Variants in TMTC1 observed in about 807,000 individuals in gnomAD.
The protein encoded by TMTC1 is protein O-mannosyl-transferase TMTC1.
A neutral mutation model predicts 104.8 loss-of-function variants in TMTC1; 73 were observed. The observed-to-expected ratio is 0.70, with a 90% CI of 0.58 to 0.85. The LOEUF is 0.85. Among genes scored for constraint, TMTC1 ranks in the 40% least tolerant of loss-of-function variants. The pLI is 0.00. For missense variants in TMTC1, 1,035 were observed against 1,096.1 expected, an observed-to-expected ratio of 0.94 and a Z score of 0.79; for synonymous variants, 434 against 428.7, an observed-to-expected ratio of 1.01 and a Z score of -0.15.
At chr12:29,631,264 CA>C (rs1938283702) in intron 6 of TMTC1, among the ~76,000 whole-genome samples, 1 of 152,058 alleles carries the variant, frequency 6.6e-6, no homozygotes, top group Non-Finnish European at 1.5e-5. Flanking sequence ...TGATGATGTC[CA>C]ATTTATCAAC....
At chr12:29,553,172 TG>T (rs1442689854) in intron 10 of TMTC1, among the ~76,000 whole-genome samples, 8 of 152,164 alleles carry the variant, frequency 5.3e-5, no homozygotes, top group African/African-American at 1.9e-4. Context: ...ACGTGGGTAA[TG>T]GAAAGTGAAC....
At chr12:29,710,269 T>C (rs1368616481) in intron 5 of TMTC1, among the ~76,000 whole-genome samples, 1 of 152,052 alleles carries the variant, frequency 6.6e-6, no homozygotes, top group South Asian at 2.1e-4. Flanking sequence ...TCCAGGCCTG[T>C]TAGGACACAG....
At chr12:29,646,792 G>A (rs75208556) in intron 5 of TMTC1, among the ~76,000 whole-genome samples, 6,295 of 152,172 alleles carry the variant, frequency 0.041, 171 homozygotes, top group Admixed American at 0.066. Flanking sequence ...TTCAGCTACC[G>A]GGGACACAGT....
intron 2 of TMTC1, among the ~76,000 whole-genome samples, chr12:29,765,594 T>C (rs1276419874): frequency 2.6e-5 from 4 of 152,162 alleles, no homozygotes; most frequent in African/African-American, 9.6e-5. Flanking sequence ...AATTTAAATT[T>C]TGTATTACTA....
intron 5 of TMTC1, among the ~76,000 whole-genome samples, chr12:29,679,387 G>A (rs1490626509): frequency 1.3e-5 from 2 of 152,016 alleles, no homozygotes; most frequent in East Asian, 3.9e-4. Context: ...TCTATAGTCA[G>A]AACAAAAGTC....
intron 6 of TMTC1, among the ~76,000 whole-genome samples, chr12:29,628,689 A>G: frequency 6.6e-6 from 1 of 152,044 alleles, no homozygotes; most frequent in East Asian, 1.9e-4. Context: ...TTTGAGACAG[A>G]CTTCGCTCTG....
chr12:29,664,664 A>G (rs1940204341), intron 5 of TMTC1, among the ~76,000 whole-genome samples: 1 of 152,246 alleles, frequency 6.6e-6, no homozygotes, highest in African/African-American at 2.4e-5. Flanking sequence ...ACTTACAACA[A>G]TTCCATGAGG....
chr12:29,703,320 T>C (rs897481455), intron 5 of TMTC1, among the ~76,000 whole-genome samples: 1 of 152,152 alleles, frequency 6.6e-6, no homozygotes, highest in African/African-American at 2.4e-5. Context: ...GAAAATCTTC[T>C]TCAAAAGGAA....
intron 11 of TMTC1, chr12:29,529,877 C>G (rs553264181): frequency 6.6e-6 from 1 of 152,122 alleles, no homozygotes; most frequent in African/African-American, 2.4e-5. Context: ...AGAATGTGAT[C>G]AACACTACTC....
In TMTC1 at chr12:29,506,738, G is replaced by T. The variant is rs77122459; in HGVS notation, c.*108C>A. 6.4e-6 allele frequency: 9 copies of T among 1,398,852 alleles called. No individual in the cohort carries two copies. In the East Asian group the frequency reaches 2.1e-4, roughly 32 times the overall value. The allele number at this position is 1,398,852 out of a possible 1,614,324, so 86.7% of individuals were successfully genotyped here. A position where few individuals can be genotyped will look rare whatever the true frequency, so the allele number is the denominator to read the frequency against. ...AAATGTGTCACCCTGAACTCGGAAT[G>T]AGAGAAAATCTCATTAGTTGTGCCC... On this transcript the variant is annotated 3_prime_UTR_variant, in exon 18 of 18. Coordinates refer to ENST00000539277, the MANE Select transcript of TMTC1 (RefSeq NM_001193451.2).
chr12:29,643,631 T>TATATAATATATATGTTATATTATATA lies in TMTC1; in HGVS notation c.939-10296_939-10295insTATATAATATAACATATATATTATAT, dbSNP rs1229088130. ...ATATATAATATATATCTATATATTA[T>TATATAATATATATGTTATATTATATA]ATATATAATATATATGTTATATTAT... On this transcript the variant is annotated intron_variant, in intron 5 of 17. Coordinates refer to ENST00000539277, the MANE Select transcript of TMTC1 (RefSeq NM_001193451.2). 6.9e-3 allele frequency among the ~76,000 whole-genome samples: 149 copies of TATATAATATATATGTTATATTATATA among 21,480 alleles called. 12 individuals are homozygous for TATATAATATATATGTTATATTATATA. The highest frequency in any genetic ancestry group is 0.028 in the African/African-American group (143 of 5,046). The allele number at this position is 21,480 out of a possible 152,430, so 14.1% of individuals were successfully genotyped here.
chr12:29,592,388 T>C lies in TMTC1; in HGVS notation c.1251-8814A>G, dbSNP rs191401097. On this transcript the variant is annotated intron_variant, in intron 7 of 17. Coordinates refer to ENST00000539277, the MANE Select transcript of TMTC1 (RefSeq NM_001193451.2). Reference sequence around the variant, plus strand: ...AGAAAAGAATCCCCAAAGACATTTCTGTGTATTTCCTTAGCCTCCCATGCT... The same window carrying C: ...AGAAAAGAATCCCCAAAGACATTTCCGTGTATTTCCTTAGCCTCCCATGCT... Among the ~76,000 whole-genome samples the C allele has an allele frequency of 1.2e-4, 18 of 152,354 alleles. No homozygotes were observed. The South Asian group carries it at 3.7e-3, about 32-fold the overall frequency.
intron 16 of TMTC1, among the ~76,000 whole-genome samples, chr12:29,512,825 T>C (rs1312846217): frequency 5.9e-5 from 9 of 152,216 alleles, no homozygotes; most frequent in Non-Finnish European, 1.3e-4. Flanking sequence ...TGCTCACCAC[T>C]GAGTCTCAAG....
chr12:29,670,799 C>T (rs1230148848), intron 5 of TMTC1, among the ~76,000 whole-genome samples: 3 of 151,270 alleles, frequency 2.0e-5, no homozygotes, highest in African/African-American at 7.3e-5. Context: ...GGCATGGTGG[C>T]ACATGCCTGT....
intron 5 of TMTC1, among the ~76,000 whole-genome samples, chr12:29,671,769 G>T (rs1450358338): frequency 6.6e-6 from 1 of 152,216 alleles, no homozygotes; most frequent in Non-Finnish European, 1.5e-5. Context: ...CACTACCCAG[G>T]AGGGGTGCAT....
chr12:29,726,066 T>C (rs1942381456), intron 5 of TMTC1, among the ~76,000 whole-genome samples: 1 of 152,166 alleles, frequency 6.6e-6, no homozygotes, highest in Admixed American at 6.5e-5. Flanking sequence ...TGCCAAGTAT[T>C]TGGCCTGAGC....
intron 10 of TMTC1, among the ~76,000 whole-genome samples, chr12:29,543,269 T>C (rs1944851561): frequency 1.3e-5 from 2 of 152,340 alleles, no homozygotes; most frequent in South Asian, 2.1e-4. Flanking sequence ...GACAGATATT[T>C]AGCAAAAGCA....
intron 7 of TMTC1, among the ~76,000 whole-genome samples, chr12:29,592,488 G>C (rs1946306771): frequency 6.6e-6 from 1 of 152,176 alleles, no homozygotes; most frequent in African/African-American, 2.4e-5. Context: ...TTCTTCTGTT[G>C]TTTTCCAGCA....
chr12:29,758,700 A>G lies in TMTC1; in HGVS notation c.554+4T>C. On this transcript the variant is annotated splice_donor_region_variant and intron_variant, in intron 3 of 17. Transcript: ENST00000539277. ...CAGAGAAGGGCATTCTTAGCTACACATACCTGTTGTACGAGAGAAAGGCCA... is the reference window on the plus strand; with the variant it reads ...CAGAGAAGGGCATTCTTAGCTACACGTACCTGTTGTACGAGAGAAAGGCCA... 3 of 1,613,324 alleles carry G rather than the reference A, an allele frequency of 1.9e-6. No individual in the cohort carries two copies. Among genetic ancestry groups the G allele is most frequent in the Non-Finnish European group, 2.5e-6 (3 of 1,179,596 alleles).
Sources: allele counts gnomAD v4.1 joint callset (sites outside exome capture counted in the v4.1 genomes callset), GRCh38; gene constraint gnomAD v4.1.1; transcripts MANE v1.5; gene names NCBI Gene and HGNC (gene_info 2026-07-23, HGNC 2026-07-21).